The following VRK2 variants were observed in gnomAD, a reference collection of about 807,000 sequenced individuals.
The protein encoded by VRK2 is VRK serine/threonine kinase 2.
VRK2 carries 60 observed loss-of-function variants against 57.6 expected under a neutral mutation model. The ratio of observed to expected loss-of-function variants is 1.04; its 90% CI spans 0.85 to 1.29. The LOEUF (loss-of-function observed/expected upper bound fraction) is 1.29. Ranked by LOEUF, VRK2 falls within the 50% of genes most tolerant of loss-of-function variation. The pLI is 0.00. For missense variants in VRK2, 705 were observed against 588.1 expected, an observed-to-expected ratio of 1.20 and a Z score of -2.06; for synonymous variants, 231 against 199.2, an observed-to-expected ratio of 1.16 and a Z score of -1.35.
rs888066524 is a variant in VRK2, at chr2:58,090,400, CAAAAAAAA to C, written c.543+691_543+698del. Reference sequence around the variant, plus strand: ...GGGCAACAAGAGAGAAACTCCATCTCAAAAAAAAAAAAAAAAAAAAAGTTTTAAGCAAG... The same window carrying C: ...GGGCAACAAGAGAGAAACTCCATCTCAAAAAAAAAAAAAGTTTTAAGCAAG... On this transcript the variant is annotated intron_variant, in intron 7 of 12. Transcript: ENST00000340157. Among the ~76,000 whole-genome samples, 45 of 49,352 alleles carry C rather than the reference CAAAAAAAA, an allele frequency of 9.1e-4. 1 individual carries two copies. The South Asian group carries it at 0.028, about 31-fold the overall frequency. 32.4% of individuals were successfully genotyped at this position (49,352 alleles called of 152,430 possible).
At chr2:58,149,879 T>C (rs12713372) in intron 12 of VRK2, among the ~76,000 whole-genome samples, 81,205 of 150,644 alleles carry the variant, frequency 0.54, 22,062 homozygotes, top group Middle Eastern at 0.6. Flanking sequence ...TGATGTGTTT[T>C]CCTGCTGAAT....
At chr2:57,931,904 C>G (rs1467146827) in intron 1 of VRK2, among the ~76,000 whole-genome samples, 2 of 150,902 alleles carry the variant, frequency 1.3e-5, no homozygotes, top group Non-Finnish European at 3.0e-5. Context: ...ATTTTTGGTG[C>G]CTTTGTCAAA....
intron 1 of VRK2, among the ~76,000 whole-genome samples, chr2:57,911,445 C>T (rs924868814): frequency 6.6e-6 from 1 of 152,138 alleles, no homozygotes; most frequent in African/African-American, 2.4e-5. Context: ...AGTGCTGATG[C>T]GTTCTGATGG....
intron 1 of VRK2, among the ~76,000 whole-genome samples, chr2:58,023,243 T>C (rs763504539): frequency 1.0e-3 from 155 of 152,362 alleles, no homozygotes; most frequent in Non-Finnish European, 1.6e-3. Context: ...TCTGTCCTTT[T>C]GTGACTGGCT....
rs60379025 is a variant in VRK2, at chr2:58,151,731, G to GTTTTTT, written c.1182+5288_1182+5293dup. Among the ~76,000 whole-genome samples, 18 of 16,720 alleles carry GTTTTTT rather than the reference G, an allele frequency of 1.1e-3. 7 individuals are homozygous for GTTTTTT. Among genetic ancestry groups the GTTTTTT allele is most frequent in the Admixed American group, 2.1e-3 (2 of 948 alleles). 11.0% of individuals were successfully genotyped at this position (16,720 alleles called of 152,430 possible). On this transcript the variant is annotated intron_variant, in intron 12 of 12. Coordinates refer to ENST00000340157, the MANE Select transcript of VRK2 (RefSeq NM_006296.7). The stretch of plus-strand genomic sequence containing the variant: ...TTTTTTTAACTATGCTTCTATGCTT[G>GTTTTTT]TTTTTTTTTTTTTTTTTTTTTTTTT...
chr2:58,048,276 A>G lies in VRK2; in HGVS notation c.-5-551A>G, dbSNP rs539292712. 3.3e-5 allele frequency among the ~76,000 whole-genome samples: 5 copies of G among 152,300 alleles called. No individual in the cohort carries two copies. In the South Asian group the frequency reaches 6.2e-4, roughly 19 times the overall value. The stretch of plus-strand genomic sequence containing the variant: ...GCAGCCCGAGAACTGATGGCCTAGT[A>G]TTCTGCTAAGTTACATATCCGTGAA... On this transcript the variant is annotated intron_variant, in intron 1 of 12. Coordinates refer to ENST00000340157, the MANE Select transcript of VRK2 (RefSeq NM_006296.7).
At chr2:58,006,975 G>T (rs1331875093) in intron 1 of VRK2, among the ~76,000 whole-genome samples, 1 of 152,014 alleles carries the variant, frequency 6.6e-6, no homozygotes, top group Non-Finnish European at 1.5e-5. Flanking sequence ...TCCCCTTGAG[G>T]AAGGACCCCA....
chr2:57,951,020 A>T (rs537685791), intron 1 of VRK2, among the ~76,000 whole-genome samples: 9 of 152,282 alleles, frequency 5.9e-5, no homozygotes, highest in Admixed American at 3.3e-4. Context: ...TGAACCCAGG[A>T]GGCAAAGGTT....
chr2:57,978,702 T>A (rs1672324018), intron 1 of VRK2, among the ~76,000 whole-genome samples: 2 of 150,286 alleles, frequency 1.3e-5, no homozygotes, highest in South Asian at 4.2e-4. Flanking sequence ...CTTTCTTTCT[T>A]CCTTTTTCTT....
intron 1 of VRK2, among the ~76,000 whole-genome samples, chr2:57,963,963 A>T (rs1411144615): frequency 6.6e-6 from 1 of 152,150 alleles, no homozygotes; most frequent in African/African-American, 2.4e-5. Flanking sequence ...TTACCATCTA[A>T]AATAGCCGCC....
intron 1 of VRK2, 24 bp from the exon 2 acceptor site, chr2:58,048,803 T>C (rs1675269620): frequency 6.2e-7 from 1 of 1,608,224 alleles, no homozygotes; most frequent in South Asian, 1.1e-5. Context: ...TTTTACCCAT[T>C]TATCTCACCC....
At chr2:57,992,536 C>CTT (rs532679750) in intron 1 of VRK2, among the ~76,000 whole-genome samples, 23 of 147,746 alleles carry the variant, frequency 1.6e-4, no homozygotes, top group Middle Eastern at 3.5e-3. Context: ...AGTGTTGTTT[C>CTT]TTTTTTTTTT....
chr2:58,147,245 A>G (rs1431001059), intron 12 of VRK2: 3 of 514,194 alleles, frequency 5.8e-6, no homozygotes, highest in African/African-American at 1.9e-5. Flanking sequence ...AATTAGAAGC[A>G]TAGTACTTAT....
chr2:58,122,763 A>C (rs1043988816), intron 7 of VRK2, among the ~76,000 whole-genome samples: 8 of 152,202 alleles, frequency 5.3e-5, no homozygotes, highest in African/African-American at 1.9e-4. Flanking sequence ...GAAAAAGCAG[A>C]GCCTCCTCAA....
chr2:57,973,305 T>C (rs1672151097), intron 1 of VRK2, among the ~76,000 whole-genome samples: 1 of 151,884 alleles, frequency 6.6e-6, no homozygotes, highest in African/African-American at 2.4e-5. Flanking sequence ...GCCAAGCAAA[T>C]GCAAGTACAA....
At chr2:58,138,691 G>GAC (rs1680892284) in intron 10 of VRK2, among the ~76,000 whole-genome samples, 1 of 152,158 alleles carries the variant, frequency 6.6e-6, no homozygotes, top group Non-Finnish European at 1.5e-5. Context: ...AAGTTTCCCA[G>GAC]GTTTTCCCAC....
intron 1 of VRK2, among the ~76,000 whole-genome samples, chr2:57,979,028 T>C (rs1399182879): frequency 6.6e-6 from 1 of 151,190 alleles, no homozygotes; most frequent in Non-Finnish European, 1.5e-5. Context: ...GTTTTCCATG[T>C]GGTATATGTA....
intron 2 of VRK2, among the ~76,000 whole-genome samples, chr2:58,032,488 C>T (rs1159388709): frequency 1.3e-5 from 2 of 151,986 alleles, no homozygotes; most frequent in Non-Finnish European, 2.9e-5. Flanking sequence ...AACCCTGCTC[C>T]ACCCTTATGA....
intron 11 of VRK2, among the ~76,000 whole-genome samples, chr2:58,143,585 G>A (rs1681660511): frequency 6.6e-6 from 1 of 151,870 alleles, no homozygotes; most frequent in Non-Finnish European, 1.5e-5. Flanking sequence ...ACAGAGGAGT[G>A]AATATATTAT....
Sources: allele counts gnomAD v4.1 joint callset (sites outside exome capture counted in the v4.1 genomes callset), GRCh38; gene constraint gnomAD v4.1.1; transcripts MANE v1.5; gene names NCBI Gene and HGNC (gene_info 2026-07-23, HGNC 2026-07-21).